TIAM1: variants seen among roughly 807,000 people sequenced by gnomAD.
TIAM1 encodes TIAM Rac1 associated GEF 1.
In TIAM1, 65 loss-of-function variants were observed where a neutral mutation model predicts 163.5. The observed-to-expected ratio is 0.40, with a 90% CI of 0.33 to 0.49. The LOEUF is 0.49. TIAM1 is among the 20% of genes least tolerant of loss of function. The pLI is 0.77. For missense variants in TIAM1, 1,789 were observed against 2,044.7 expected (o/e 0.87, Z 2.41); for synonymous variants, 833 against 810.1 (o/e 1.03, Z -0.48).
intron 2 of TIAM1, chr21:31,453,192 T>C (rs567028848): frequency 9.5e-5 from 25 of 263,474 alleles, no homozygotes; most frequent in African/African-American, 5.2e-4. Context: ...TGGAAAAACT[T>C]AAAGTTGCCT....
intron 2 of TIAM1, among the ~76,000 whole-genome samples, chr21:31,374,906 A>T (rs773835380): frequency 8.5e-5 from 13 of 152,224 alleles, no homozygotes; most frequent in Non-Finnish European, 1.6e-4. Context: ...AAAAGATTAA[A>T]TTTCTATTTT....
chr21:31,424,717 A>G (rs1172640798), intron 2 of TIAM1, among the ~76,000 whole-genome samples: 1 of 152,206 alleles, frequency 6.6e-6, no homozygotes, highest in African/African-American at 2.4e-5. Flanking sequence ...TGGAGACTGC[A>G]CAGGAATGTA....
chr21:31,298,784 GA>G (rs1367048202), intron 2 of TIAM1, among the ~76,000 whole-genome samples: 1 of 139,504 alleles, frequency 7.2e-6, no homozygotes, highest in African/African-American at 2.9e-5. Context: ...CAGAGAGAGA[GA>G]GAAAAAAAAA....
chr21:31,385,922 T>G (rs1264935851), intron 2 of TIAM1, among the ~76,000 whole-genome samples: 1 of 147,404 alleles, frequency 6.8e-6, no homozygotes, highest in East Asian at 1.9e-4. Flanking sequence ...ATATATTAAT[T>G]GATAATATAT....
At chr21:31,262,184 G>A (rs1212153854) in intron 4 of TIAM1, among the ~76,000 whole-genome samples, 2 of 152,200 alleles carry the variant, frequency 1.3e-5, no homozygotes, top group African/African-American at 4.8e-5. Flanking sequence ...ACTGTGCCAT[G>A]AGTTTTCCAT....
rs534043778 is a variant in TIAM1, at chr21:31,313,344, G to GT, written c.-189+25898dup. 2.4e-3 allele frequency among the ~76,000 whole-genome samples: 358 copies of GT among 151,980 alleles called. 3 individuals carry two copies. Among genetic ancestry groups the GT allele is most frequent in the African/African-American group, 8.1e-3 (336 of 41,460 alleles). ...AGGAAAATTGTTTAGCTCTTTGTGT[G>GT]TTTTTTTTCCACTACATTTACTTTA... is the stretch of plus-strand genomic sequence containing the variant. On this transcript the variant is annotated intron_variant, in intron 2 of 27. Coordinates refer to ENST00000541036, the MANE Select transcript of TIAM1 (RefSeq NM_001353694.2).
chr21:31,254,284 A>G (rs914509541), intron 4 of TIAM1, among the ~76,000 whole-genome samples: 3 of 152,214 alleles, frequency 2.0e-5, no homozygotes, highest in African/African-American at 4.8e-5. Flanking sequence ...AGAAAATCAC[A>G]AGTCTGGTTG....
intron 2 of TIAM1, among the ~76,000 whole-genome samples, chr21:31,366,085 C>CAAAAAA (rs869163144): frequency 2.9e-5 from 2 of 69,546 alleles, no homozygotes; most frequent in Non-Finnish European, 5.3e-5. Flanking sequence ...GACTCTGTCT[C>CAAAAAA]AAAAAAAAAA....
In TIAM1 at chr21:31,395,244, A is replaced by G. The variant is rs1302216141; in HGVS notation, c.-368-55822T>C. The stretch of plus-strand genomic sequence containing the variant: ...CAGAGTGAGACTCTGTCTCAAAAAA[A>G]AAAAAGAGGAGGTGGGGGGAGAACA... On this transcript the variant is annotated intron_variant, in intron 2 of 28. Coordinates refer to the TIAM1 transcript ENST00000286827. This position sits in a 1 kb window ranked among gnomAD's most constrained non-coding sequence, Gnocchi z 7.5. Among the ~76,000 whole-genome samples, 2 of 151,976 alleles carry G rather than the reference A, an allele frequency of 1.3e-5. No homozygotes were observed. The highest frequency in any genetic ancestry group is 2.4e-5 in the African/African-American group (1 of 41,398).
chr21:31,359,219 C>T (rs1293496487), intron 2 of TIAM1, among the ~76,000 whole-genome samples: 2 of 151,994 alleles, frequency 1.3e-5, no homozygotes, highest in Non-Finnish European at 2.9e-5. Flanking sequence ...TTAAGTTAAA[C>T]TTAATTAATT....
intron 1 of TIAM1, among the ~76,000 whole-genome samples, chr21:31,557,997 C>G (rs2048945279): frequency 1.3e-5 from 2 of 152,174 alleles, no homozygotes. Context: ...TGCAGCATCC[C>G]GCCCCGCGGC....
intron 2 of TIAM1, among the ~76,000 whole-genome samples, chr21:31,420,604 G>T (rs117775811): frequency 0.016 from 2,503 of 152,268 alleles, 37 homozygotes; most frequent in Middle Eastern, 0.054. Flanking sequence ...TTTTACTGTG[G>T]TCTACATCAC....
chr21:31,295,241 C>A (rs778706342), intron 2 of TIAM1, among the ~76,000 whole-genome samples: 4 of 152,072 alleles, frequency 2.6e-5, no homozygotes, highest in Admixed American at 2.6e-4. Flanking sequence ...GAGGCCAAGG[C>A]GGGCGGATCA....
At chr21:31,473,343 T>C (rs1031826779) in intron 1 of TIAM1, among the ~76,000 whole-genome samples, 2 of 142,908 alleles carry the variant, frequency 1.4e-5, no homozygotes, top group African/African-American at 5.2e-5. Context: ...GGCAGGAGAA[T>C]AGCGTGAGCC....
At position 31,295,886 on chromosome 21, in the gene TIAM1, C is replaced by G. The variant is rs146012147; in HGVS notation, c.-188-18978G>C. ...GATGTTGGCTCACTGCAAGCTCCGC[C>G]TCCCGAGTTCAAGCGATTCTCCTGC... On this transcript the variant is annotated intron_variant, in intron 2 of 27. Coordinates refer to ENST00000541036, the MANE Select transcript of TIAM1 (RefSeq NM_001353694.2). 1.4e-3 allele frequency among the ~76,000 whole-genome samples: 214 copies of G among 152,278 alleles called. 1 individual carries two copies. The highest frequency in any genetic ancestry group is 4.7e-3 in the African/African-American group (194 of 41,554).
chr21:31,526,977 C>T (rs915481719), intron 1 of TIAM1, among the ~76,000 whole-genome samples: 16 of 152,292 alleles, frequency 1.1e-4, no homozygotes, highest in Admixed American at 5.2e-4. Flanking sequence ...GCTGGGATTA[C>T]AGGCGTGAGC....
chr21:31,190,200 G>A (rs1017421101), intron 13 of TIAM1, among the ~76,000 whole-genome samples: 5 of 152,162 alleles, frequency 3.3e-5, no homozygotes, highest in Admixed American at 2.6e-4. Context: ...GAGCCCAGGA[G>A]TTTGAGACCA....
At chr21:31,457,217 T>A (rs966989373) in intron 2 of TIAM1, among the ~76,000 whole-genome samples, 3 of 152,132 alleles carry the variant, frequency 2.0e-5, no homozygotes, top group African/African-American at 7.2e-5. Context: ...GCTCTGCTAA[T>A]CCCAGCACGA....
intron 4 of TIAM1, among the ~76,000 whole-genome samples, chr21:31,264,794 G>A (rs2072663715): frequency 6.6e-6 from 1 of 152,174 alleles, no homozygotes; most frequent in African/African-American, 2.4e-5. Context: ...CTCCTACTGG[G>A]CAATCAGAGT....
Sources: gnomAD v4.1 joint callset for allele counts (sites outside exome capture counted in the v4.1 genomes callset) on GRCh38, gnomAD v4.1.1 for gene constraint, Gnocchi (gnomAD v3.1) non-coding constraint, MANE v1.5 for transcripts, NCBI Gene and HGNC (gene_info 2026-07-23, HGNC 2026-07-21) for gene names.